Variants in CCDC171 observed in about 807,000 individuals in gnomAD.
CCDC171 encodes coiled-coil domain-containing protein 171.
CCDC171 carries 177 observed loss-of-function variants against 168.2 expected under a neutral mutation model. That is an observed-to-expected ratio of 1.05 (90% CI 0.93 to 1.19). CCDC171 has a LOEUF of 1.19. CCDC171 is among the 50% of genes most tolerant of loss of function. CCDC171 has a pLI of 0.00. For missense variants in CCDC171, 1,991 were observed against 1,539.0 expected, an observed-to-expected ratio of 1.29 and a Z score of -4.91; for synonymous variants, 687 against 540.8, an observed-to-expected ratio of 1.27 and a Z score of -3.75.
chr9:15,918,662 G>A (rs1589126301), intron 24 of CCDC171, among the ~76,000 whole-genome samples: 3 of 151,542 alleles, frequency 2.0e-5, no homozygotes, highest in East Asian at 3.9e-4. Context: ...ATATTCCCAG[G>A]TAAGAAGTCA....
At chr9:15,715,389 C>A (rs2053005064) in intron 11 of CCDC171, among the ~76,000 whole-genome samples, 1 of 151,800 alleles carries the variant, frequency 6.6e-6, no homozygotes, top group African/African-American at 2.4e-5. Flanking sequence ...GGTCTGAGTT[C>A]AAAAAAAGTC....
the CCDC171 span, among the ~76,000 whole-genome samples, chr9:16,096,303 A>G: frequency 6.6e-6 from 1 of 152,176 alleles, no homozygotes; most frequent in Admixed American, 6.5e-5. Context: ...AGGATTGAAA[A>G]CACAATTTAT....
chr9:15,737,796 A>G (rs2054594223), intron 16 of CCDC171, among the ~76,000 whole-genome samples: 2 of 152,160 alleles, frequency 1.3e-5, no homozygotes, highest in East Asian at 1.9e-4. Context: ...GTGTGTGTGT[A>G]TGAAGACTAG....
chr9:15,845,728 A>G lies in CCDC171; in HGVS notation c.3268-974A>G, dbSNP rs150610178. 38 of 152,246 alleles carry G rather than the reference A, an allele frequency of 2.5e-4. No homozygotes were observed. The East Asian group carries it at 7.3e-3, about 29-fold the overall frequency. The allele number at this position is 152,246 out of a possible 1,614,324, so 9.4% of individuals were successfully genotyped here. On this transcript the variant is annotated intron_variant, in intron 21 of 25. Coordinates refer to ENST00000380701, the MANE Select transcript of CCDC171 (RefSeq NM_173550.4). ...TATGCACTCAATTATTTAGCTCACC[A>G]TCCAACAAATTTAATAAAAAACTGT...
At chr9:15,949,582 T>C (rs1417320302) in intron 25 of CCDC171, among the ~76,000 whole-genome samples, 1 of 152,210 alleles carries the variant, frequency 6.6e-6, no homozygotes, top group Non-Finnish European at 1.5e-5. Context: ...GAATGGGAGT[T>C]CACTCATGAT....
At chr9:15,867,213 A>G (rs927460396) in intron 23 of CCDC171, among the ~76,000 whole-genome samples, 2 of 152,060 alleles carry the variant, frequency 1.3e-5, no homozygotes, top group Non-Finnish European at 2.9e-5. Context: ...CAAACAGGAT[A>G]TGATAGATGA....
chr9:15,747,386 G>A (rs1195902534), intron 18 of CCDC171, among the ~76,000 whole-genome samples: 1 of 152,176 alleles, frequency 6.6e-6, no homozygotes, highest in Admixed American at 6.5e-5. Flanking sequence ...TCCCAGCATG[G>A]TGTTCAAGCT....
At chr9:15,695,432 C>G in intron 11 of CCDC171, 95 bp downstream of exon 11, 3 of 863,700 alleles carry the variant, frequency 3.5e-6, no homozygotes, top group South Asian at 1.4e-5. Flanking sequence ...AGTCCCTCAT[C>G]TCAACATGTT....
chr9:15,936,170 G>C (rs191841413), intron 25 of CCDC171, among the ~76,000 whole-genome samples: 1 of 152,062 alleles, frequency 6.6e-6, no homozygotes, highest in Non-Finnish European at 1.5e-5. Flanking sequence ...AACAGACCCA[G>C]ATGAAGGTCC....
At chr9:15,916,337 A>G (rs951188941) in intron 24 of CCDC171, among the ~76,000 whole-genome samples, 11 of 151,938 alleles carry the variant, frequency 7.2e-5, no homozygotes, top group Non-Finnish European at 1.2e-4. Context: ...ATGAATTTTT[A>G]TCCTGATTTT....
chr9:15,682,824 TTTTA>T (rs959923566), intron 10 of CCDC171, among the ~76,000 whole-genome samples: 3 of 151,960 alleles, frequency 2.0e-5, no homozygotes, highest in African/African-American at 7.2e-5. Context: ...GAAATTGAGC[TTTTA>T]GTTTCAAAAT....
the CCDC171 span, among the ~76,000 whole-genome samples, chr9:16,106,498 G>A: frequency 6.6e-6 from 1 of 152,088 alleles, no homozygotes; most frequent in African/African-American, 2.4e-5. Context: ...TCACAGGATG[G>A]CACCTTCTCT....
chr9:15,691,451 A>G (rs992286893), intron 10 of CCDC171, among the ~76,000 whole-genome samples: 1 of 147,970 alleles, frequency 6.8e-6, no homozygotes, highest in Non-Finnish European at 1.5e-5. Flanking sequence ...ATTTTTCTCT[A>G]TTTGTTTTTT....
chr9:15,981,184 C>T (rs1831785120), intron 3 of CCDC171, among the ~76,000 whole-genome samples: 1 of 152,108 alleles, frequency 6.6e-6, no homozygotes, highest in Admixed American at 6.6e-5. Flanking sequence ...AAAACCCTAA[C>T]CCCCAATGTG....
In CCDC171 at chr9:15,783,738, C is replaced by T. The variant is rs756086095; in HGVS notation, c.3082-771C>T. 3.9e-5 allele frequency among the ~76,000 whole-genome samples: 6 copies of T among 152,112 alleles called. No individual in the cohort carries two copies. The East Asian group carries it at 1.2e-3, about 29-fold the overall frequency. On this transcript the variant is annotated intron_variant, in intron 20 of 25. Coordinates refer to ENST00000380701, the MANE Select transcript of CCDC171 (RefSeq NM_173550.4). The stretch of plus-strand genomic sequence containing the variant: ...CTGTCTAGAACTGTCATTAGTTATT[C>T]CAGAGCAGAGTACTGTGCCCTCCAA...
At chr9:15,915,460 A>C (rs542596019) in intron 24 of CCDC171, among the ~76,000 whole-genome samples, 1 of 152,194 alleles carries the variant, frequency 6.6e-6, no homozygotes, top group East Asian at 1.9e-4. Context: ...ATTTGTGTAC[A>C]TTAATTTTGC....
chr9:16,046,921 G>T (rs1387926104), intron 1 of CCDC171, among the ~76,000 whole-genome samples: 1 of 152,120 alleles, frequency 6.6e-6, no homozygotes, highest in Non-Finnish European at 1.5e-5. Context: ...ATAACCTTCA[G>T]TCGTTCCCCA....
chr9:15,897,212 G>C (rs1470584071), intron 24 of CCDC171, among the ~76,000 whole-genome samples: 1 of 151,918 alleles, frequency 6.6e-6, no homozygotes, highest in Non-Finnish European at 1.5e-5. Flanking sequence ...TTTTAGTCAG[G>C]CTGCTGAGAG....
At chr9:15,677,373 G>T (rs1384782498) in intron 9 of CCDC171, among the ~76,000 whole-genome samples, 1 of 152,056 alleles carries the variant, frequency 6.6e-6, no homozygotes, top group Non-Finnish European at 1.5e-5. Context: ...GTTAACACTA[G>T]AATTGTCTGT....
Sources: allele counts gnomAD v4.1 joint callset (sites outside exome capture counted in the v4.1 genomes callset), GRCh38; gene constraint gnomAD v4.1.1; transcripts MANE v1.5; gene names NCBI Gene and HGNC (gene_info 2026-07-23, HGNC 2026-07-21).